Variants in ANKS1B observed in about 807,000 individuals in gnomAD.
ANKS1B encodes the protein ankyrin repeat and sterile alpha motif domain-containing protein 1B.
A neutral mutation model predicts 148.3 loss-of-function variants in ANKS1B; 36 were observed. That is an observed-to-expected ratio of 0.24 (90% confidence interval 0.19 to 0.32). The LOEUF (loss-of-function observed/expected upper bound fraction) is 0.32. Ranked by LOEUF, ANKS1B falls within the 10% of genes least tolerant of loss-of-function variation. ANKS1B has a pLI of 1.00. For missense variants in ANKS1B, 1,157 were observed against 1,542.6 expected (o/e 0.75, Z 4.19); for synonymous variants, 542 against 560.8 (o/e 0.97, Z 0.47).
intron 17 of ANKS1B, among the ~76,000 whole-genome samples, chr12:99,044,791 T>C (rs1164441716): frequency 2.6e-5 from 4 of 152,138 alleles, no homozygotes; most frequent in African/African-American, 4.8e-5. Flanking sequence ...AAGCTCTTAT[T>C]TGATTTTGAG....
intron 17 of ANKS1B, among the ~76,000 whole-genome samples, chr12:98,923,369 C>A (rs1355326004): frequency 6.6e-6 from 1 of 152,146 alleles, no homozygotes; most frequent in African/African-American, 2.4e-5. Flanking sequence ...TTATAAACTA[C>A]CCGTCTCAGG....
intron 16 of ANKS1B, among the ~76,000 whole-genome samples, chr12:99,056,731 C>A (rs917622214): frequency 1.3e-5 from 2 of 152,160 alleles, no homozygotes; most frequent in Admixed American, 1.3e-4. Flanking sequence ...CTGAAAATGA[C>A]CTGTATATGA....
In ANKS1B at chr12:99,378,652, C is replaced by CAAAA. The variant is rs140892353; in HGVS notation, c.1756+20975_1756+20978dup. 8.8e-5 allele frequency among the ~76,000 whole-genome samples: 8 copies of CAAAA among 90,702 alleles called. No homozygotes were observed. In the East Asian group the frequency reaches 9.0e-4, roughly 10 times the overall value. 59.5% of individuals were successfully genotyped at this position (90,702 alleles called of 152,430 possible). On this transcript the variant is annotated intron_variant, in intron 12 of 26. Transcript: ENST00000683438. Reference sequence around the variant, plus strand: ...CTGGCAACGGAGTGAGACTCCATCTCAAAAAAAAAAAAAAAAAAAAAGAAA... The same window carrying CAAAA: ...CTGGCAACGGAGTGAGACTCCATCTCAAAAAAAAAAAAAAAAAAAAAAAAAGAAA...
intron 15 of ANKS1B, among the ~76,000 whole-genome samples, chr12:99,092,259 GC>G (rs1472182552): frequency 6.6e-6 from 1 of 152,112 alleles, no homozygotes; most frequent in East Asian, 1.9e-4. Context: ...GATATTAAAT[GC>G]TTTAAATGGT....
At chr12:99,107,993 A>T (rs753175687) in intron 15 of ANKS1B, among the ~76,000 whole-genome samples, 1 of 152,324 alleles carries the variant, frequency 6.6e-6, no homozygotes, top group Non-Finnish European at 1.5e-5. Context: ...TCTCACTGAA[A>T]CTTTCCCTGG....
intron 14 of ANKS1B, among the ~76,000 whole-genome samples, chr12:99,161,526 C>T (rs2076657966): frequency 6.6e-6 from 1 of 151,916 alleles, no homozygotes; most frequent in Admixed American, 6.6e-5. Context: ...AAAAACAAAC[C>T]AAACCAAAAC....
intron 12 of ANKS1B, among the ~76,000 whole-genome samples, chr12:99,367,220 G>T (rs1391749011): frequency 6.6e-6 from 1 of 151,992 alleles, no homozygotes; most frequent in African/African-American, 2.4e-5. Context: ...AAATAGTGAA[G>T]GAAAAATTCA....
chr12:99,849,516 G>T (rs914041810), intron 1 of ANKS1B, among the ~76,000 whole-genome samples: 1 of 152,046 alleles, frequency 6.6e-6, no homozygotes, highest in African/African-American at 2.4e-5. Flanking sequence ...CATACTCTGT[G>T]ACCAGCAATT....
intron 1 of ANKS1B, among the ~76,000 whole-genome samples, chr12:99,863,942 GC>G (rs1356192397): frequency 6.6e-6 from 1 of 151,820 alleles, no homozygotes; most frequent in Non-Finnish European, 1.5e-5. Flanking sequence ...GGTGGCACAT[GC>G]CTATCATCCC....
chr12:99,050,882 T>C (rs957841473), intron 17 of ANKS1B, among the ~76,000 whole-genome samples: 6 of 151,328 alleles, frequency 4.0e-5, no homozygotes, highest in Non-Finnish European at 8.8e-5. Context: ...GTATTTTTCA[T>C]AGAGGCAGGG....
intron 9 of ANKS1B, among the ~76,000 whole-genome samples, chr12:99,604,682 G>A (rs1473837956): frequency 6.6e-6 from 1 of 151,640 alleles, no homozygotes; most frequent in Non-Finnish European, 1.5e-5. Flanking sequence ...GGGCATGGTG[G>A]CAGGCATCTG....
chr12:99,106,266 C>T (rs2059194569), intron 15 of ANKS1B, among the ~76,000 whole-genome samples: 1 of 152,176 alleles, frequency 6.6e-6, no homozygotes, highest in Non-Finnish European at 1.5e-5. Context: ...GCATCATCAG[C>T]CGACATCATG....
chr12:98,972,920 C>T (rs2099884648), intron 17 of ANKS1B, among the ~76,000 whole-genome samples: 1 of 152,144 alleles, frequency 6.6e-6, no homozygotes, highest in Non-Finnish European at 1.5e-5. Context: ...AATACTATTG[C>T]AGACTTATGG....
intron 17 of ANKS1B, among the ~76,000 whole-genome samples, chr12:99,034,325 T>C (rs1319148663): frequency 6.8e-6 from 1 of 147,408 alleles, no homozygotes; most frequent in Non-Finnish European, 1.5e-5. Flanking sequence ...AATTATTTTA[T>C]TTTTTTTTTT....
chr12:98,770,058 C>T (rs569076637), intron 25 of ANKS1B, among the ~76,000 whole-genome samples: 18 of 152,260 alleles, frequency 1.2e-4, no homozygotes, highest in African/African-American at 4.1e-4. Flanking sequence ...TGTTAACTGA[C>T]GTCAGCAGGC....
chr12:99,071,810 C>G lies in ANKS1B; in HGVS notation c.2625+13115G>C, dbSNP rs542063254. Among the ~76,000 whole-genome samples the G allele has an allele frequency of 2.6e-5, 4 of 152,148 alleles. No individual in the cohort carries two copies. In the South Asian group the frequency reaches 6.2e-4, roughly 24 times the overall value. On this transcript the variant is annotated intron_variant, in intron 16 of 26. Coordinates refer to ENST00000683438, the MANE Select transcript of ANKS1B (RefSeq NM_001352186.2). Reference sequence around the variant, plus strand: ...CTAAGGTGCGCGCCACCATGCCAGGCTACTTTTGCTATTTTTAGTAGAGAC... The same window carrying G: ...CTAAGGTGCGCGCCACCATGCCAGGGTACTTTTGCTATTTTTAGTAGAGAC...
intron 8 of ANKS1B, among the ~76,000 whole-genome samples, chr12:99,703,554 CT>C (rs2055221163): frequency 6.6e-6 from 1 of 152,010 alleles, no homozygotes; most frequent in African/African-American, 2.4e-5. Flanking sequence ...ATTTCCACCC[CT>C]CCCTCCTTAT....
intron 9 of ANKS1B, among the ~76,000 whole-genome samples, chr12:99,552,681 T>G (rs2097233267): frequency 6.6e-6 from 1 of 152,178 alleles, no homozygotes; most frequent in Admixed American, 6.5e-5. Flanking sequence ...TGGCTGTCCC[T>G]CAGTATCCAT....
rs146671854 is a variant in ANKS1B, at chr12:99,510,495, C to T, written c.1273-5854G>A. Among the ~76,000 whole-genome samples, 558 of 151,976 alleles carry T rather than the reference C, an allele frequency of 3.7e-3. 4 individuals carry two copies. The highest frequency in any genetic ancestry group is 0.013 in the African/African-American group (536 of 41,488). ...GTGGAGGAAGTAACTGCAGATGTGA[C>T]GGATAAATAGCAAGAGAACTGGAAG... is the stretch of plus-strand genomic sequence containing the variant. On this transcript the variant is annotated intron_variant, in intron 9 of 26. Coordinates refer to ENST00000683438, the MANE Select transcript of ANKS1B (RefSeq NM_001352186.2).
Sources: gnomAD v4.1 joint callset for allele counts (sites outside exome capture counted in the v4.1 genomes callset) on GRCh38, gnomAD v4.1.1 for gene constraint, MANE v1.5 for transcripts, NCBI Gene and HGNC (gene_info 2026-07-23, HGNC 2026-07-21) for gene names.